Variants in CARS2 observed in about 807,000 individuals in gnomAD.
CARS2 encodes probable cysteine--tRNA ligase, mitochondrial.
A neutral mutation model predicts 68.8 loss-of-function variants in CARS2; 52 were observed. The observed-to-expected ratio is 0.76, with a 90% CI of 0.61 to 0.95. The LOEUF is 0.95. Among genes scored for constraint, CARS2 ranks in the 40% least tolerant of loss-of-function variants. CARS2 has a pLI of 0.00. For missense variants in CARS2, 780 were observed against 754.2 expected (o/e 1.03, Z -0.40); for synonymous variants, 314 against 303.6 (o/e 1.03, Z -0.36).
chr13:110,694,820 G>A (rs758803051), intron 3 of CARS2, among the ~76,000 whole-genome samples: 3 of 152,256 alleles, frequency 2.0e-5, no homozygotes, highest in Non-Finnish European at 4.4e-5. Context: ...TTAAAAACAA[G>A]TCTTGGAGCA....
At chr13:110,660,437 G>C (rs2062473229) in intron 9 of CARS2, among the ~76,000 whole-genome samples, 1 of 152,122 alleles carries the variant, frequency 6.6e-6, no homozygotes. Flanking sequence ...TCCATCAGAG[G>C]AATCACTATC....
At chr13:110,710,562 C>G (rs1456163630), upstream of CARS2, among the ~76,000 whole-genome samples, 1 of 152,172 alleles carries the variant, frequency 6.6e-6, no homozygotes, top group African/African-American at 2.4e-5. Flanking sequence ...CAACACGCCA[C>G]AGGAAACAAA....
chr13:110,647,291 G>A (rs1888271780), intron 10 of CARS2, 52 bp from the exon 11 acceptor site: 3 of 1,582,456 alleles, frequency 1.9e-6, no homozygotes, highest in South Asian at 1.1e-5. Flanking sequence ...CTGTGCCCCT[G>A]CCCTGGTCCA....
chr13:110,699,734 C>A (rs1002840345), intron 3 of CARS2, among the ~76,000 whole-genome samples: 2 of 152,258 alleles, frequency 1.3e-5, no homozygotes, highest in African/African-American at 4.8e-5. Flanking sequence ...AGCGTTTCAT[C>A]AGAATGGCTT....
chr13:110,646,137 C>T, intron 11 of CARS2, 47 bp from the exon 12 acceptor site: 1 of 1,575,744 alleles, frequency 6.3e-7, no homozygotes, highest in South Asian at 1.2e-5. Context: ...GCTCCACTCT[C>T]CCCAGGCGGC....
chr13:110,692,970 T>A (rs987419110), intron 3 of CARS2, among the ~76,000 whole-genome samples: 4 of 149,842 alleles, frequency 2.7e-5, no homozygotes, highest in Admixed American at 1.3e-4. Flanking sequence ...ATTAGCTGGG[T>A]GTGGTGGTGG....
intron 3 of CARS2, chr13:110,698,114 G>A (rs186963711): frequency 2.6e-5 from 10 of 382,492 alleles, no homozygotes; most frequent in Admixed American, 1.8e-4. Flanking sequence ...AAAGGAAGAT[G>A]CATGGGTGTG....
Position 110,665,387 on chromosome 13 carries a change from G to T in CARS2, c.920-1869C>A. 1 of 926,756 alleles carries T rather than the reference G, an allele frequency of 1.1e-6. No individual in the cohort carries two copies. Among genetic ancestry groups the T allele is most frequent in the Non-Finnish European group, 1.3e-6 (1 of 776,282 alleles). 57.4% of individuals were successfully genotyped at this position (926,756 alleles called of 1,614,324 possible). A position where few individuals can be genotyped will look rare whatever the true frequency, so the allele number is the denominator to read the frequency against. ...CTTGAACCCAGGAGGCAGAGGTTGC[G>T]GTGAGCTCAGATAGTGCCACTGCAC... On this transcript the variant is annotated intron_variant, in intron 8 of 14. Transcript: ENST00000257347. This position sits in a 1 kb window ranked among gnomAD's most constrained non-coding sequence, Gnocchi z 4.3.
chr13:110,654,179 A>G (rs1258442681), intron 9 of CARS2, among the ~76,000 whole-genome samples: 2 of 151,970 alleles, frequency 1.3e-5, no homozygotes, highest in African/African-American at 4.8e-5. Flanking sequence ...CGCTGCACAC[A>G]CCCCTGGAGC....
intron 8 of CARS2, chr13:110,666,746 CTT>C (rs2062659152): frequency 1.0e-6 from 1 of 985,440 alleles, no homozygotes; most frequent in African/African-American, 1.7e-5. Context: ...ACCAAACACT[CTT>C]TATCTTTCTT....
At chr13:110,656,859 G>A (rs2062383493) in intron 9 of CARS2, among the ~76,000 whole-genome samples, 1 of 151,140 alleles carries the variant, frequency 6.6e-6, no homozygotes, top group South Asian at 2.1e-4. Context: ...ACTCCAGCCT[G>A]GGCGACAGAG....
intron 3 of CARS2, among the ~76,000 whole-genome samples, chr13:110,695,198 C>T (rs2063585982): frequency 6.6e-6 from 1 of 151,898 alleles, no homozygotes; most frequent in African/African-American, 2.4e-5. Flanking sequence ...GGGAGGATCC[C>T]TGAGCCTGGG....
intron 3 of CARS2, among the ~76,000 whole-genome samples, chr13:110,693,384 C>T (rs540639858): frequency 4.0e-5 from 6 of 151,722 alleles, no homozygotes; most frequent in Non-Finnish European, 7.4e-5. Flanking sequence ...TTTTTTGAGG[C>T]AGTCTCGCTC....
chr13:110,646,559 T>C (rs413235), intron 11 of CARS2: 51,389 of 162,894 alleles, frequency 0.32, 9,752 homozygotes, highest in African/African-American at 0.53. Flanking sequence ...AGACTCTGCA[T>C]GCCGGGATGA....
intron 5 of CARS2, 95 bp downstream of exon 5, chr13:110,687,626 C>G (rs2063337379): frequency 1.4e-6 from 1 of 736,524 alleles, no homozygotes; most frequent in African/African-American, 1.8e-5. Flanking sequence ...TTGCAGTGAG[C>G]TGAGATAGCA....
upstream of CARS2, among the ~76,000 whole-genome samples, chr13:110,710,552 C>G (rs1453740559): frequency 6.6e-6 from 1 of 152,108 alleles, no homozygotes; most frequent in Non-Finnish European, 1.5e-5. Flanking sequence ...TCCATTTTTG[C>G]AACACGCCAC....
intron 2 of CARS2, among the ~76,000 whole-genome samples, chr13:110,704,410 G>T (rs1370759090): frequency 1.3e-5 from 2 of 152,172 alleles, no homozygotes; most frequent in East Asian, 3.8e-4. Context: ...CAAAGTAAAG[G>T]GGAAAAATGT....
intron 3 of CARS2, among the ~76,000 whole-genome samples, chr13:110,691,986 A>AG: frequency 3.0e-5 from 1 of 32,910 alleles, no homozygotes. Flanking sequence ...AAAGCTGTGC[A>AG]GAAAAAAAAA....
rs2063347077 is a variant in CARS2 at position 110,687,834 on chromosome 13, G to C, written c.466-8C>G. Reference sequence around the variant, plus strand: ...CACCGTGGGTGGGAGAACCTGCAAGGAAGTGGAGACGTGACCGTGTTTCCC... The same window carrying C: ...CACCGTGGGTGGGAGAACCTGCAAGCAAGTGGAGACGTGACCGTGTTTCCC... On this transcript the variant is annotated splice_polypyrimidine_tract_variant and splice_region_variant and intron_variant, in intron 4 of 14. Transcript: ENST00000257347. The C allele has an allele frequency of 7.5e-6, 12 of 1,593,180 alleles. No homozygotes were observed. The highest frequency in any genetic ancestry group is 1.0e-5 in the Non-Finnish European group (12 of 1,162,112).
Sources: gnomAD v4.1 joint callset for allele counts (sites outside exome capture counted in the v4.1 genomes callset) on GRCh38, gnomAD v4.1.1 for gene constraint, Gnocchi (gnomAD v3.1) non-coding constraint, MANE v1.5 for transcripts, NCBI Gene and HGNC (gene_info 2026-07-23, HGNC 2026-07-21) for gene names.